The following SPRR2B variants were observed in gnomAD, a reference collection of about 807,000 sequenced individuals.
The protein encoded by SPRR2B is small proline rich protein 2B.
Under a neutral mutation model 1.0 loss-of-function variants are expected in SPRR2B, and 1 was observed. The ratio of observed to expected loss-of-function variants is 1.01; its 90% CI spans 0.36 to 4.77. The LOEUF (loss-of-function observed/expected upper bound fraction) is 4.77, where lower values mean the gene tolerates loss of function less well. Among genes scored for constraint, SPRR2B ranks in the 30% most tolerant of loss-of-function variants. The pLI, the probability that SPRR2B is intolerant of heterozygous loss-of-function variation, is 0.16. For missense variants in SPRR2B, 53 were observed against 88.7 expected, an observed-to-expected ratio of 0.60 and a Z score of 1.62; for synonymous variants, 27 against 33.4, an observed-to-expected ratio of 0.81 and a Z score of 0.66.
At chr1:153,080,781 A>G in the SPRR2B span, among the ~76,000 whole-genome samples, 25,181 of 152,156 alleles carry the variant, frequency 0.17, 3,559 homozygotes, top group East Asian at 0.49. Context: ...GCAACACCAC[A>G]TTCAAAAATT....
Position 153,070,459 on chromosome 1 carries a change from C to T in SPRR2B, c.*162G>A, listed in dbSNP as rs1654630091. 9 of 1,351,156 alleles carry T rather than the reference C, an allele frequency of 6.7e-6. No individual in the cohort carries two copies. In the Admixed American group the frequency reaches 1.1e-4, roughly 17 times the overall value. The allele number at this position is 1,351,156 out of a possible 1,614,324, so 83.7% of individuals were successfully genotyped here. Reference sequence around the variant, plus strand: ...CAGTATGGCAGCCTTAGAAAGGAAACCTTTTGCTATCAGGGAACATCATGG... The same window carrying T: ...CAGTATGGCAGCCTTAGAAAGGAAATCTTTTGCTATCAGGGAACATCATGG... On this transcript the variant is annotated 3_prime_UTR_variant, in exon 2 of 2. Coordinates refer to ENST00000368755, the MANE Select transcript of SPRR2B (RefSeq NM_001388198.1).
chr1:153,073,669 C>T (rs1241866379), upstream of SPRR2B, among the ~76,000 whole-genome samples: 2 of 150,778 alleles, frequency 1.3e-5, no homozygotes, highest in Non-Finnish European at 2.9e-5. Flanking sequence ...GACATCCAGG[C>T]CCTGAGACAT....
At chr1:153,077,416 T>C in the SPRR2B span, among the ~76,000 whole-genome samples, 32 of 152,322 alleles carry the variant, frequency 2.1e-4, no homozygotes, top group African/African-American at 7.2e-4. Flanking sequence ...AAATCTCTGA[T>C]AAATGTACAC....
chr1:153,086,275 A>G, the SPRR2B span, among the ~76,000 whole-genome samples: 10 of 152,226 alleles, frequency 6.6e-5, no homozygotes, highest in Admixed American at 3.9e-4. Flanking sequence ...GCTGTCTTCA[A>G]GGGACCAATC....
rs201248257 is a variant in SPRR2B at position 153,070,782 on chromosome 1, T to G, written c.58A>C (p.Thr20Pro). 1 of 1,601,756 alleles carries G rather than the reference T, an allele frequency of 6.2e-7. No individual in the cohort carries two copies. ...GGACATGGCTCTGGGCACTTTGGCGTGGGGCACACAGGAGGTGGCTGGCAG... is the reference window on the plus strand; with the variant it reads ...GGACATGGCTCTGGGCACTTTGGCGGGGGGCACACAGGAGGTGGCTGGCAG... ...QPCQPPPVCP[T>P]PKCPEPCPPP... The change falls in exon 2 of 2, where the codon ACG (threonine) becomes CCG (proline). Residue 20 changes from threonine (T) to proline (P), a missense_variant. Thr to Pro is a conservative substitution (Grantham distance 38). Coordinates refer to ENST00000368755, the MANE Select transcript of SPRR2B (RefSeq NM_001388198.1).
chr1:153,074,003 C>T (rs1171985378), upstream of SPRR2B, among the ~76,000 whole-genome samples: 2 of 152,172 alleles, frequency 1.3e-5, no homozygotes, highest in Non-Finnish European at 2.9e-5. Flanking sequence ...ATTTACATCA[C>T]ATATGTAGCT....
upstream of SPRR2B, among the ~76,000 whole-genome samples, chr1:153,073,708 C>T (rs1185630703): frequency 2.6e-5 from 2 of 75,926 alleles, no homozygotes; most frequent in Non-Finnish European, 9.9e-5. Flanking sequence ...CACACACACA[C>T]ACACACACAC....
At chr1:153,072,692 T>C (rs149599065), upstream of SPRR2B, among the ~76,000 whole-genome samples, 246 of 152,310 alleles carry the variant, frequency 1.6e-3, 5 homozygotes, top group Non-Finnish European at 1.8e-4. Flanking sequence ...TGTATGTTCT[T>C]CCTTTGTCTT....
the SPRR2B span, among the ~76,000 whole-genome samples, chr1:153,079,829 G>A: frequency 1.3e-5 from 2 of 152,122 alleles, no homozygotes; most frequent in Admixed American, 1.3e-4. Context: ...TTTGGCTTAG[G>A]ATTGACTTGG....
chr1:153,080,414 C>A, the SPRR2B span, among the ~76,000 whole-genome samples: 1 of 152,110 alleles, frequency 6.6e-6, no homozygotes, highest in African/African-American at 2.4e-5. Context: ...CAGGATAAAC[C>A]ATATCCATTA....
the SPRR2B span, among the ~76,000 whole-genome samples, chr1:153,076,954 G>A: frequency 6.6e-6 from 1 of 152,186 alleles, no homozygotes; most frequent in Admixed American, 6.5e-5. Context: ...CAGTCTTAAA[G>A]GCTGTAGGCC....
chr1:153,074,877 C>T (rs572028409), upstream of SPRR2B, among the ~76,000 whole-genome samples: 41 of 152,194 alleles, frequency 2.7e-4, no homozygotes, highest in Admixed American at 1.2e-3. Flanking sequence ...TTTGGGCAGA[C>T]GCTAAAGGTG....
the SPRR2B span, among the ~76,000 whole-genome samples, chr1:153,080,861 A>G: frequency 6.6e-6 from 1 of 152,238 alleles, no homozygotes; most frequent in African/African-American, 2.4e-5. Flanking sequence ...AGCTTTAGTC[A>G]TAACATCCAC....
chr1:153,083,218 A>G, the SPRR2B span, among the ~76,000 whole-genome samples: 1 of 152,192 alleles, frequency 6.6e-6, no homozygotes, highest in Non-Finnish European at 1.5e-5. Flanking sequence ...CTCACAAGAA[A>G]GAAAAATGTT....
At chr1:153,087,445 A>T in the SPRR2B span, among the ~76,000 whole-genome samples, 3 of 152,314 alleles carry the variant, frequency 2.0e-5, no homozygotes, top group Non-Finnish European at 4.4e-5. Context: ...ACCATTCAAA[A>T]GATCAACAAA....
At chr1:153,086,917 TA>T in the SPRR2B span, among the ~76,000 whole-genome samples, 1 of 152,232 alleles carries the variant, frequency 6.6e-6, no homozygotes, top group African/African-American at 2.4e-5. Flanking sequence ...AAATTAAGAC[TA>T]AAAAATTCAC....
chr1:153,077,404 A>G, the SPRR2B span, among the ~76,000 whole-genome samples: 3 of 152,218 alleles, frequency 2.0e-5, no homozygotes. Context: ...GTGAAGATAC[A>G]AAAATCTCTG....
At chr1:153,079,573 T>G in the SPRR2B span, among the ~76,000 whole-genome samples, 1 of 152,120 alleles carries the variant, frequency 6.6e-6, no homozygotes, top group Non-Finnish European at 1.5e-5. Context: ...AGTTTCAGCT[T>G]TCTACATATG....
chr1:153,077,187 G>A, the SPRR2B span, among the ~76,000 whole-genome samples: 1 of 152,332 alleles, frequency 6.6e-6, no homozygotes, highest in African/African-American at 2.4e-5. Flanking sequence ...TCAGGAGGTA[G>A]TGGGATGACG....
Sources: gnomAD v4.1 joint callset for allele counts (sites outside exome capture counted in the v4.1 genomes callset) on GRCh38, gnomAD v4.1.1 for gene constraint, MANE v1.5 for transcripts, NCBI Gene and HGNC (gene_info 2026-07-23, HGNC 2026-07-21) for gene names.